FAM193A: variants seen among roughly 807,000 people sequenced by gnomAD.
FAM193A encodes protein FAM193A.
A neutral mutation model predicts 126.5 loss-of-function variants in FAM193A; 22 were observed. The observed-to-expected ratio is 0.17, with a 90% CI of 0.12 to 0.25. FAM193A has a LOEUF of 0.25. FAM193A is among the 10% of genes least tolerant of loss of function. The pLI, the probability that FAM193A is intolerant of heterozygous loss-of-function variation, is 1.00. For synonymous variants in FAM193A, 761 were observed against 646.8 expected (o/e 1.18, Z -2.68); for missense variants, 1,675 against 1,672.8 (o/e 1.00, Z -0.02).
At chr4:2,647,321 T>G (rs756820688) in intron 7 of FAM193A, among the ~76,000 whole-genome samples, 5 of 151,982 alleles carry the variant, frequency 3.3e-5, no homozygotes, top group Non-Finnish European at 7.4e-5. Context: ...TAGTTTTGTA[T>G]TTTTAGTAGA....
At chr4:2,729,869 C>T (rs944944936) in intron 20 of FAM193A, among the ~76,000 whole-genome samples, 4 of 152,174 alleles carry the variant, frequency 2.6e-5, no homozygotes, top group African/African-American at 9.7e-5. Context: ...ACCTCAGCCT[C>T]CCAAAGTGCT....
chr4:2,663,366 C>T (rs1178757402), intron 12 of FAM193A, 78 bp downstream of exon 12: 1 of 1,161,628 alleles, frequency 8.6e-7, no homozygotes, highest in Admixed American at 3.1e-5. Flanking sequence ...TTACTGAATA[C>T]AAAATTATTT....
chr4:2,582,926 G>A (rs754263760), intron 1 of FAM193A, among the ~76,000 whole-genome samples: 1 of 152,248 alleles, frequency 6.6e-6, no homozygotes, highest in Middle Eastern at 3.4e-3. Flanking sequence ...GTGTGTAGCG[G>A]TAGTGAGATG....
chr4:2,578,600 A>T (rs574739032), intron 1 of FAM193A, among the ~76,000 whole-genome samples: 2 of 152,062 alleles, frequency 1.3e-5, no homozygotes, highest in South Asian at 4.1e-4. Context: ...GGGGTTAGGG[A>T]TGCTGACCCC....
rs557953725 is a variant in FAM193A, at chr4:2,643,796, C to T, written c.1164-2889C>T. 6.6e-5 allele frequency among the ~76,000 whole-genome samples: 10 copies of T among 152,286 alleles called. No individual in the cohort carries two copies. The East Asian group carries it at 9.6e-4, about 15-fold the overall frequency. On this transcript the variant is annotated intron_variant, in intron 6 of 20. Transcript: ENST00000637812. ...GGTGGTAGGATCTGAAGGTTCTGGA[C>T]GGCTCTGCTCAGATCCCCTGGCAGG...
At chr4:2,649,292 T>C (rs1052552085) in intron 7 of FAM193A, among the ~76,000 whole-genome samples, 1 of 151,176 alleles carries the variant, frequency 6.6e-6, no homozygotes, top group Non-Finnish European at 1.5e-5. Flanking sequence ...GGAGGATCAC[T>C]TAAGACCAAG....
intron 10 of FAM193A, among the ~76,000 whole-genome samples, chr4:2,661,420 G>A (rs926551907): frequency 3.3e-5 from 5 of 152,210 alleles, no homozygotes; most frequent in African/African-American, 9.7e-5. Flanking sequence ...GAAGCCTCCT[G>A]CTGTCACATG....
intron 1 of FAM193A, among the ~76,000 whole-genome samples, chr4:2,584,722 C>A (rs1284171526): frequency 1.3e-5 from 2 of 151,950 alleles, no homozygotes; most frequent in Non-Finnish European, 2.9e-5. Context: ...GTCAAGAAAT[C>A]GAGACCATCC....
intron 2 of FAM193A, chr4:2,608,197 GT>G: frequency 6.9e-7 from 1 of 1,454,982 alleles, no homozygotes; most frequent in Non-Finnish European, 9.5e-7. Flanking sequence ...TTTCTTTTCT[GT>G]TTTCGAGACG....
chr4:2,549,296 A>G (rs1281674694), intron 1 of FAM193A, among the ~76,000 whole-genome samples: 4 of 149,388 alleles, frequency 2.7e-5, no homozygotes, highest in Admixed American at 1.3e-4. Flanking sequence ...CAGTTTATCA[A>G]TTTTTTTCTG....
intron 20 of FAM193A, among the ~76,000 whole-genome samples, chr4:2,729,453 G>C (rs1032134310): frequency 6.6e-6 from 1 of 152,214 alleles, no homozygotes; most frequent in South Asian, 2.1e-4. Flanking sequence ...TGGGGCACTT[G>C]CCTCTCGAGT....
chr4:2,644,768 G>A (rs1278723764), intron 6 of FAM193A, among the ~76,000 whole-genome samples: 1 of 152,132 alleles, frequency 6.6e-6, no homozygotes, highest in East Asian at 1.9e-4. Flanking sequence ...GAGGAGAAGA[G>A]GGAGTCATTC....
chr4:2,604,880 C>T (rs780367378), intron 2 of FAM193A, among the ~76,000 whole-genome samples: 1 of 148,440 alleles, frequency 6.7e-6, no homozygotes, highest in Admixed American at 6.7e-5. Context: ...TCACTGCAGC[C>T]TCGACCTCCT....
At chr4:2,727,907 C>G in intron 20 of FAM193A, among the ~76,000 whole-genome samples, 1 of 151,452 alleles carries the variant, frequency 6.6e-6, no homozygotes, top group Non-Finnish European at 1.5e-5. Flanking sequence ...ACTACAGATG[C>G]GCCACCATGC....
chr4:2,723,089 C>T (rs232709), intron 20 of FAM193A, among the ~76,000 whole-genome samples: 149 of 151,642 alleles, frequency 9.8e-4, no homozygotes, highest in African/African-American at 3.2e-3. Context: ...CTGGCTAACA[C>T]GGTGAAACCC....
At chr4:2,656,599 C>T (rs1475572377) in intron 7 of FAM193A, among the ~76,000 whole-genome samples, 1 of 152,140 alleles carries the variant, frequency 6.6e-6, no homozygotes, top group African/African-American at 2.4e-5. Flanking sequence ...GCATGGGTAG[C>T]GAAGGCCACA....
At chr4:2,679,958 CT>C (rs61028255) in intron 13 of FAM193A, among the ~76,000 whole-genome samples, 4,624 of 151,828 alleles carry the variant, frequency 0.03, 255 homozygotes, top group African/African-American at 0.1. Context: ...CTCTCAGATT[CT>C]AAGCGATTCC....
At chr4:2,667,988 C>T (rs1039302869) in intron 12 of FAM193A, among the ~76,000 whole-genome samples, 13 of 152,156 alleles carry the variant, frequency 8.5e-5, no homozygotes, top group African/African-American at 3.1e-4. Context: ...ACTGCAACCT[C>T]AAGCTCCTGG....
In FAM193A at chr4:2,731,985, G is replaced by A. The variant is rs1721451554; in HGVS notation, c.*117G>A. On this transcript the variant is annotated 3_prime_UTR_variant, in exon 21 of 21. Transcript: ENST00000637812. ...TGCTTGCCAAGGGCTGTGCGGAGCT[G>A]GTGCTGCCTGAAACCCCAGACCGAG... The A allele has an allele frequency of 2.5e-6, 2 of 799,816 alleles. No homozygotes were observed. The highest frequency in any genetic ancestry group is 3.4e-5 in the African/African-American group (2 of 59,262). 49.5% of individuals were successfully genotyped at this position (799,816 alleles called of 1,614,324 possible).
Sources: allele counts gnomAD v4.1 joint callset (sites outside exome capture counted in the v4.1 genomes callset), GRCh38; gene constraint gnomAD v4.1.1; transcripts MANE v1.5; gene names NCBI Gene and HGNC (gene_info 2026-07-23, HGNC 2026-07-21).